Variants in GOLGA8T observed in about 807,000 individuals in gnomAD.
The protein encoded by GOLGA8T is golgin subfamily A member 8T.
GOLGA8T carries 17 observed loss-of-function variants against 52.0 expected under a neutral mutation model. The observed-to-expected ratio is 0.33, with a 90% CI of 0.22 to 0.49. GOLGA8T has a LOEUF of 0.49. GOLGA8T is among the 20% of genes least tolerant of loss of function. The pLI is 0.99. For synonymous variants in GOLGA8T, 67 were observed against 169.5 expected (o/e 0.40, Z 4.70); for missense variants, 154 against 462.1 (o/e 0.33, Z 6.11).
At chr15:30,140,226 A>T (rs2057724346) in intron 8 of GOLGA8T, 3 of 440,986 alleles carry the variant, frequency 6.8e-6, no homozygotes, top group Non-Finnish European at 1.2e-5. Context: ...AGGGTTCATA[A>T]AAAAGTCAGG....
At chr15:30,140,264 C>G (rs1216410822) in intron 8 of GOLGA8T, 14 of 385,904 alleles carry the variant, frequency 3.6e-5, no homozygotes, top group East Asian at 2.3e-4. Flanking sequence ...CCGGGAGATA[C>G]TTCCCTTCTG....
rs2057846489 is a variant in GOLGA8T at position 30,148,529 on chromosome 15, G to T, written c.*2962G>T. On this transcript the variant is annotated 3_prime_UTR_variant, in exon 19 of 19. Coordinates refer to ENST00000569052, the MANE Select transcript of GOLGA8T (RefSeq NM_001355469.2). Reference sequence around the variant, plus strand: ...TAAAACATTTTAAAATATGAATACTGTAGTATAAAAGAAAGAAATGGTGGG... The same window carrying T: ...TAAAACATTTTAAAATATGAATACTTTAGTATAAAAGAAAGAAATGGTGGG... Among the ~76,000 whole-genome samples, 1 of 131,502 alleles carries T rather than the reference G, an allele frequency of 7.6e-6. No homozygotes were observed. The highest frequency in any genetic ancestry group is 1.6e-5 in the Non-Finnish European group (1 of 64,168). 86.3% of individuals were successfully genotyped at this position (131,502 alleles called of 152,430 possible).
chr15:30,143,429 T>G (rs2057773903), intron 13 of GOLGA8T, among the ~76,000 whole-genome samples, 177 bp from the exon 14 acceptor site: 1 of 127,876 alleles, frequency 7.8e-6, no homozygotes, highest in African/African-American at 4.6e-5. Flanking sequence ...AGGCAGTGAC[T>G]GCAACAGACC....
At position 30,145,625 on chromosome 15, in the gene GOLGA8T, G is replaced by C. The variant is rs2057819547; in HGVS notation, c.*58G>C. 3 of 849,272 alleles carry C rather than the reference G, an allele frequency of 3.5e-6. No individual in the cohort carries two copies. The highest frequency in any genetic ancestry group is 5.3e-6 in the Non-Finnish European group (3 of 570,794). 52.6% of individuals were successfully genotyped at this position (849,272 alleles called of 1,614,324 possible). A position where few individuals can be genotyped will look rare whatever the true frequency, so the allele number is the denominator to read the frequency against. ...TTTTTAAATAAGAAACCAAGTTATG[G>C]GGTTAATCTCCTACACAATTCATTT... is the stretch of plus-strand genomic sequence containing the variant. On this transcript the variant is annotated 3_prime_UTR_variant, in exon 19 of 19. Transcript: ENST00000569052.
In GOLGA8T at chr15:30,143,373, C is replaced by T. The variant is rs1264312243; in HGVS notation, c.1201-233C>T. The stretch of plus-strand genomic sequence containing the variant: ...ATTACCTGGGTCACCTGCAGCAGTA[C>T]GTGGCCACCTATCAGCAGCTGACCT... On this transcript the variant is annotated intron_variant, in intron 13 of 18. Transcript: ENST00000569052. 5.1e-5 allele frequency among the ~76,000 whole-genome samples: 6 copies of T among 117,542 alleles called. 2 individuals carry two copies. The highest frequency in any genetic ancestry group is 2.2e-4 in the Admixed American group (3 of 13,638). The allele number at this position is 117,542 out of a possible 152,430, so 77.1% of individuals were successfully genotyped here.
intron 8 of GOLGA8T, among the ~76,000 whole-genome samples, chr15:30,140,548 C>T (rs200363355): frequency 8.5e-4 from 111 of 130,660 alleles, no homozygotes; most frequent in African/African-American, 2.5e-3. Context: ...ATTGTTAGCA[C>T]GGTACCTGGT....
At chr15:30,140,692 G>A in intron 8 of GOLGA8T, 150 bp from the exon 9 acceptor site, 2 of 779,096 alleles carry the variant, frequency 2.6e-6, no homozygotes, top group Non-Finnish European at 4.3e-6. Flanking sequence ...ACTTTACTGA[G>A]TTCTTTTAAA....
Position 30,142,341 on chromosome 15 carries a change from T to A in GOLGA8T, c.1159T>A (p.Leu387Met). The change falls in exon 13 of 19, where the codon TTG (leucine) becomes ATG (methionine). Residue 387 changes from leucine (L) to methionine (M), a missense_variant. Transcript: ENST00000569052. ...CAATGAGAACAAGAACGCACTGCAG[T>A]TGGAGCAGCAAGTAAAGGAGCTACA... Reference protein sequence around the residue: ...PNNENKNALQLEQQVKELQEK... With the variant: ...PNNENKNALQMEQQVKELQEK... 2 of 1,548,318 alleles carry A rather than the reference T, an allele frequency of 1.3e-6. No homozygotes were observed. Among genetic ancestry groups the A allele is most frequent in the Non-Finnish European group, 1.7e-6 (2 of 1,158,434 alleles).
At chr15:30,137,174 G>T (rs556361611) in intron 2 of GOLGA8T, among the ~76,000 whole-genome samples, 189 bp downstream of exon 2, 1 of 145,928 alleles carries the variant, frequency 6.9e-6, no homozygotes, top group African/African-American at 2.6e-5. Context: ...TCAGGAGATC[G>T]AGACCATCCT....
Position 30,143,677 on chromosome 15 carries a change from G to GGAAGGTAC in GOLGA8T, c.1274_1276+5dup. On this transcript the variant is annotated frameshift_variant, in exon 14 of 19. Coordinates refer to ENST00000569052, the MANE Select transcript of GOLGA8T (RefSeq NM_001355469.2). LOFTEE classifies it high-confidence loss of function. ...AGCTGAGCCTCATGGCTCTCCCTGG[G>GGAAGGTAC]GAAGGTACGGGAGACTGCTCAGAGG... The GGAAGGTAC allele has an allele frequency of 6.5e-7, 1 of 1,537,454 alleles. No individual in the cohort carries two copies. The highest frequency in any genetic ancestry group is 8.7e-7 in the Non-Finnish European group (1 of 1,147,540).
chr15:30,140,562 G>A (rs1409842993), intron 8 of GOLGA8T, among the ~76,000 whole-genome samples: 2 of 136,530 alleles, frequency 1.5e-5, no homozygotes, highest in Non-Finnish European at 3.1e-5. Flanking sequence ...ACCTGGTGAA[G>A]CATTCCACAA....
Position 30,141,313 on chromosome 15 carries a change from C to T in GOLGA8T, c.787-25C>T, listed in dbSNP as rs552322162. ...CAGCCACCAGCCCCTCTCTCCAAGG[C>T]CCTTTCCCCTTGTGCTTTGGGCAGA... On this transcript the variant is annotated intron_variant, in intron 10 of 18. Coordinates refer to ENST00000569052, the MANE Select transcript of GOLGA8T (RefSeq NM_001355469.2). 14,772 of 1,549,170 alleles carry T rather than the reference C, an allele frequency of 9.5e-3. 1,693 individuals are homozygous for T. The highest frequency in any genetic ancestry group is 0.011 in the Non-Finnish European group (13,014 of 1,158,480).
intron 13 of GOLGA8T, 124 bp downstream of exon 13, chr15:30,142,506 C>T: frequency 1.3e-6 from 2 of 1,509,040 alleles, no homozygotes; most frequent in South Asian, 1.2e-5. Context: ...CACAGCACCC[C>T]CCAGGGCAGT....
In GOLGA8T at chr15:30,148,366, C is replaced by G. The variant is rs1442881038; in HGVS notation, c.*2799C>G. Among the ~76,000 whole-genome samples the G allele has an allele frequency of 2.3e-5, 3 of 129,838 alleles. 1 individual carries two copies. The highest frequency in any genetic ancestry group is 2.0e-4 in the East Asian group (1 of 5,086). 85.2% of individuals were successfully genotyped at this position (129,838 alleles called of 152,430 possible). The stretch of plus-strand genomic sequence containing the variant: ...ATGAAAAAAAAAATCAGCTCTAAAA[C>G]CAAAGCGATTTTAGAAAATTTGAAA... On this transcript the variant is annotated 3_prime_UTR_variant, in exon 19 of 19. Transcript: ENST00000569052.
chr15:30,140,772 C>T (rs1345780258), intron 8 of GOLGA8T, 70 bp from the exon 9 acceptor site: 2 of 1,194,200 alleles, frequency 1.7e-6, no homozygotes, highest in Middle Eastern at 2.8e-4. Context: ...TAGCCCTAGC[C>T]CTTTTAAGGG....
rs1356400412 is a variant in GOLGA8T, at chr15:30,142,315, A to G, written c.1133A>G (p.Asn378Ser). 3.3e-6 allele frequency: 5 copies of G among 1,525,294 alleles called. 1 individual carries two copies. In the African/African-American group the frequency reaches 6.9e-5, roughly 21 times the overall value. 94.5% of individuals were successfully genotyped at this position (1,525,294 alleles called of 1,614,324 possible). The stretch of plus-strand genomic sequence containing the variant: ...TGCTGATTGCTTCTCTCTGTCCAGA[A>G]CAATGAGAACAAGAACGCACTGCAG... Reference protein sequence around the residue: ...AKPQSVFEEPNNENKNALQLE... With the variant: ...AKPQSVFEEPSNENKNALQLE... Residue 378 changes from asparagine to serine, a missense_variant and splice_region_variant, in exon 13 of 19, where the codon AAC becomes AGC. Physicochemically the swap from Asn to Ser is conservative, Grantham distance 46 (BLOSUM62 1). Around this residue, in one of 6 missense-constraint regions of GOLGA8T, gnomAD observed 54 missense variants for 51.5 expected, o/e 1.05. Transcript: ENST00000569052.
At chr15:30,144,304 A>AC (rs2057789307) in intron 15 of GOLGA8T, 100 bp downstream of exon 15, 1 of 253,466 alleles carries the variant, frequency 3.9e-6, no homozygotes, top group Non-Finnish European at 7.0e-6. Flanking sequence ...ATTTCTCTGG[A>AC]CCCTCACCCC....
Position 30,142,393 on chromosome 15 carries a change from C to A in GOLGA8T, c.1200+11C>A. 1.3e-6 allele frequency: 2 copies of A among 1,564,726 alleles called. No homozygotes were observed. Among genetic ancestry groups the A allele is most frequent in the Non-Finnish European group, 1.7e-6 (2 of 1,166,554 alleles). On this transcript the variant is annotated intron_variant, in intron 13 of 18. Coordinates refer to ENST00000569052, the MANE Select transcript of GOLGA8T (RefSeq NM_001355469.2). ...GAGAAGCTTGGCGAGGTGAAGGAGA[C>A]GGAAACCTCCACCCCATCCAAGAAG...
intron 11 of GOLGA8T, 67 bp downstream of exon 11, chr15:30,141,492 TGC>T: frequency 1.4e-6 from 2 of 1,437,218 alleles, no homozygotes; most frequent in Non-Finnish European, 1.9e-6. Flanking sequence ...TGGCTTAGAG[TGC>T]CCCAGGGAGG....
Sources: gnomAD v4.1 joint callset for allele counts (sites outside exome capture counted in the v4.1 genomes callset) on GRCh38, gnomAD v4.1.1 for gene constraint, gnomAD v4.1.1 regional missense constraint, MANE v1.5 for transcripts, NCBI Gene and HGNC (gene_info 2026-07-23, HGNC 2026-07-21) for gene names.